PILRA: variants seen among roughly 807,000 people sequenced by gnomAD.
The protein encoded by PILRA is paired immunoglobulin-like type 2 receptor alpha.
In PILRA, 37 loss-of-function variants were observed where a neutral mutation model predicts 33.1. The observed-to-expected ratio is 1.12, with a 90% confidence interval of 0.86 to 1.47. PILRA has a LOEUF of 1.47. Among genes scored for constraint, PILRA ranks in the 40% most tolerant of loss-of-function variants. The pLI, the probability that PILRA is intolerant of heterozygous loss-of-function variation, is 0.00. For synonymous variants in PILRA, 146 were observed against 149.9 expected, an observed-to-expected ratio of 0.97 and a Z score of 0.19; for missense variants, 312 against 376.2, an observed-to-expected ratio of 0.83 and a Z score of 1.41.
At chr7:100,399,655 T>C in intron 6 of PILRA, 43 bp downstream of exon 6, 1 of 1,613,316 alleles carries the variant, frequency 6.2e-7, no homozygotes, top group East Asian at 2.2e-5. Context: ...AAGAGAAGCC[T>C]GGAGAAGGTG....
intron 3 of PILRA, among the ~76,000 whole-genome samples, chr7:100,396,854 G>A (rs1207142731): frequency 6.6e-6 from 1 of 151,750 alleles, no homozygotes; most frequent in African/African-American, 2.4e-5. Context: ...AGGGAGTAGG[G>A]GTTCTTTAAA....
At chr7:100,393,453 T>C (rs896700398) in intron 3 of PILRA, among the ~76,000 whole-genome samples, 5 of 152,146 alleles carry the variant, frequency 3.3e-5, no homozygotes, top group Admixed American at 2.0e-4. Flanking sequence ...TCAGCTCAGA[T>C]ACGAAACTGT....
chr7:100,382,763 T>C (rs1349244067), intron 2 of PILRA, among the ~76,000 whole-genome samples: 1 of 152,176 alleles, frequency 6.6e-6, no homozygotes, highest in Non-Finnish European at 1.5e-5. Context: ...GCTCTTTGGG[T>C]CCACACTGAC....
At chr7:100,380,951 A>G (rs1399335553) in intron 2 of PILRA, among the ~76,000 whole-genome samples, 1 of 151,702 alleles carries the variant, frequency 6.6e-6, no homozygotes, top group Non-Finnish European at 1.5e-5. Flanking sequence ...AGCCTGAGTG[A>G]CAGAGTGAGA....
intron 2 of PILRA, among the ~76,000 whole-genome samples, chr7:100,375,755 CAA>C (rs1467025680): frequency 6.6e-6 from 1 of 152,128 alleles, no homozygotes. Context: ...AACAAACAAA[CAA>C]ACACAATGAA....
chr7:100,397,184 TACC>T (rs201585167), intron 3 of PILRA, among the ~76,000 whole-genome samples: 4,717 of 131,284 alleles, frequency 0.036, 262 homozygotes, highest in African/African-American at 0.13. Flanking sequence ...AGTTGAGGGG[TACC>T]TCAAGGCCTG....
chr7:100,389,311 G>C (rs1791323796), intron 2 of PILRA, among the ~76,000 whole-genome samples: 1 of 152,138 alleles, frequency 6.6e-6, no homozygotes, highest in South Asian at 2.1e-4. Flanking sequence ...AAGATGCAAG[G>C]GTTCTGGAGT....
At chr7:100,377,700 C>A (rs1241907446) in intron 2 of PILRA, among the ~76,000 whole-genome samples, 1 of 151,938 alleles carries the variant, frequency 6.6e-6, no homozygotes, top group Non-Finnish European at 1.5e-5. Context: ...GAGCCAAGAT[C>A]GCATCACTGC....
chr7:100,373,293 TG>T (rs1790860019), upstream of PILRA, among the ~76,000 whole-genome samples: 1 of 151,948 alleles, frequency 6.6e-6, no homozygotes, highest in Non-Finnish European at 1.5e-5. Context: ...CTGAGTGAGG[TG>T]GGGTCTGCAG....
chr7:100,393,532 A>C (rs1791432372), intron 3 of PILRA, among the ~76,000 whole-genome samples: 1 of 152,172 alleles, frequency 6.6e-6, no homozygotes, highest in African/African-American at 2.4e-5. Flanking sequence ...TCAGATTTTG[A>C]GACCTTAGTG....
intron 2 of PILRA, among the ~76,000 whole-genome samples, chr7:100,384,131 A>G (rs978650841): frequency 1.3e-5 from 2 of 152,012 alleles, no homozygotes; most frequent in Non-Finnish European, 2.9e-5. Context: ...GATGGATTGG[A>G]TGTGGGGTAT....
Position 100,374,156 on chromosome 7 carries a change from G to C in PILRA, c.177G>C (p.Trp59Cys). ...VEIPFSFYYP[W>C]ELATAPDVRI... ...TCCCCTTCTCCTTCTATTACCCCTG[G>C]GAGTTAGCCACAGCTCCCGACGTGA... The change falls in exon 2 of 7, where the codon TGG becomes TGC. Residue 59 changes from tryptophan (W) to cysteine (C), a missense_variant. Physicochemically the swap from Trp to Cys is radical, Grantham distance 215. Coordinates refer to ENST00000198536, the MANE Select transcript of PILRA (RefSeq NM_013439.3). The C allele has an allele frequency of 6.2e-7, 1 of 1,614,104 alleles. No individual in the cohort carries two copies. Among genetic ancestry groups the C allele is most frequent in the Non-Finnish European group, 8.5e-7 (1 of 1,180,020 alleles).
intron 2 of PILRA, among the ~76,000 whole-genome samples, chr7:100,381,444 CAAAAAAAAAA>C (rs60123996): frequency 1.2e-5 from 1 of 82,050 alleles, no homozygotes; most frequent in South Asian, 4.0e-4. Context: ...GATCCTGACT[CAAAAAAAAAA>C]AAAAAAAAAA....
chr7:100,391,373 TA>T (rs1183204193), intron 3 of PILRA, among the ~76,000 whole-genome samples: 4 of 151,546 alleles, frequency 2.6e-5, no homozygotes, highest in Non-Finnish European at 4.4e-5. Context: ...AAAAATAATT[TA>T]AAAAAAATTT....
upstream of PILRA, among the ~76,000 whole-genome samples, chr7:100,371,968 C>T (rs538713136): frequency 5.9e-5 from 9 of 152,308 alleles, no homozygotes; most frequent in Admixed American, 3.3e-4. Context: ...CCAGAGCTAC[C>T]CAGAGGCTGT....
chr7:100,394,256 G>C (rs987856899), intron 3 of PILRA, among the ~76,000 whole-genome samples: 1 of 152,062 alleles, frequency 6.6e-6, no homozygotes, highest in Non-Finnish European at 1.5e-5. Flanking sequence ...AGAGTTCAAT[G>C]AAGTCTAAGA....
At chr7:100,386,837 A>C (rs1791265437) in intron 2 of PILRA, among the ~76,000 whole-genome samples, 1 of 152,060 alleles carries the variant, frequency 6.6e-6, no homozygotes, top group Non-Finnish European at 1.5e-5. Context: ...CTTTAAAAAA[A>C]AAAAAACGAC....
At chr7:100,372,927 G>A (rs1790853956), upstream of PILRA, among the ~76,000 whole-genome samples, 1 of 152,058 alleles carries the variant, frequency 6.6e-6, no homozygotes, top group Admixed American at 6.6e-5. Flanking sequence ...GGGGTCAAGG[G>A]GTGGCTTCCA....
At chr7:100,390,228 G>C in intron 3 of PILRA, 122 bp downstream of exon 3, 2 of 831,348 alleles carry the variant, frequency 2.4e-6, no homozygotes, top group Non-Finnish European at 3.9e-6. Flanking sequence ...GCCCACCGAG[G>C]CCGACTTCGT....
Sources: allele counts gnomAD v4.1 joint callset (sites outside exome capture counted in the v4.1 genomes callset), GRCh38; gene constraint gnomAD v4.1.1; transcripts MANE v1.5; gene names NCBI Gene and HGNC (gene_info 2026-07-23, HGNC 2026-07-21).